GPHN: variants seen among roughly 807,000 people sequenced by gnomAD.
The protein encoded by GPHN is gephyrin.
In GPHN, 17 loss-of-function variants were observed where a neutral mutation model predicts 95.5. That is an observed-to-expected ratio of 0.18 (90% confidence interval 0.12 to 0.27). GPHN has a LOEUF of 0.27. Among genes scored for constraint, GPHN ranks in the 10% least tolerant of loss-of-function variants. The pLI, the probability that GPHN is intolerant of heterozygous loss-of-function variation, is 1.00. For synonymous variants in GPHN, 320 were observed against 322.5 expected, an observed-to-expected ratio of 0.99 and a Z score of 0.08; for missense variants, 660 against 978.1, an observed-to-expected ratio of 0.67 and a Z score of 4.34.
intron 1 of GPHN, among the ~76,000 whole-genome samples, chr14:66,534,697 T>C (rs2059072004): frequency 6.6e-6 from 1 of 152,214 alleles, no homozygotes; most frequent in African/African-American, 2.4e-5. Flanking sequence ...TCTACATTTT[T>C]GTCAATATTG....
chr14:67,010,553 GAAA>G (rs529841338), intron 9 of GPHN, among the ~76,000 whole-genome samples: 1 of 48,004 alleles, frequency 2.1e-5, no homozygotes, highest in Admixed American at 2.2e-4. Flanking sequence ...CTCTGTCTCA[GAAA>G]AAAAAAAAAA....
the GPHN span, chr14:67,691,278 C>T: frequency 6.8e-7 from 1 of 1,473,670 alleles, no homozygotes; most frequent in Non-Finnish European, 9.5e-7. Flanking sequence ...GTGGAAGTGG[C>T]TAGCCAAGGC....
the GPHN span, chr14:67,557,123 A>G: frequency 1.7e-4 from 102 of 613,992 alleles, no homozygotes; most frequent in Admixed American, 9.0e-5. Context: ...ACTTAATTGA[A>G]TTAATTGGCT....
At chr14:67,563,631 C>T in the GPHN span, among the ~76,000 whole-genome samples, 1 of 151,436 alleles carries the variant, frequency 6.6e-6, no homozygotes, top group East Asian at 2.0e-4. Flanking sequence ...CAGGGTTTCA[C>T]CATGTTGGTC....
intron 4 of GPHN, among the ~76,000 whole-genome samples, chr14:66,845,891 C>CTG (rs1256316664): frequency 5.0e-5 from 7 of 140,480 alleles, no homozygotes; most frequent in Non-Finnish European, 1.6e-5. Flanking sequence ...GAACGTGTGT[C>CTG]TGTGTGTGTG....
At chr14:67,441,578 G>T in the GPHN span, among the ~76,000 whole-genome samples, 9 of 152,146 alleles carry the variant, frequency 5.9e-5, no homozygotes, top group African/African-American at 2.2e-4. Flanking sequence ...GACCTCCCAG[G>T]TGCTTGGCTC....
chr14:66,948,857 T>C (rs1037303873), intron 8 of GPHN, among the ~76,000 whole-genome samples: 2 of 152,124 alleles, frequency 1.3e-5, no homozygotes, highest in Non-Finnish European at 2.9e-5. Flanking sequence ...CAGGCAGGAG[T>C]GCAACAGCAC....
chr14:66,608,042 T>TG lies in GPHN; in HGVS notation c.65-73065_65-73064insG, dbSNP rs141998933. Among the ~76,000 whole-genome samples the TG allele has an allele frequency of 4.7e-3, 368 of 78,884 alleles. 3 individuals carry two copies. The African/African-American group carries it at 0.052, about 11-fold the overall frequency. The allele number at this position is 78,884 out of a possible 152,430, so 51.8% of individuals were successfully genotyped here. A position where few individuals can be genotyped will look rare whatever the true frequency, so the allele number is the denominator to read the frequency against. ...TCTTTTCTTTTATTAGCTTTGTGGT[T>TG]TTTTTTTTTTTTCTAGTTCCTCTAG... On this transcript the variant is annotated intron_variant, in intron 1 of 22. Coordinates refer to ENST00000478722, the MANE Select transcript of GPHN (RefSeq NM_020806.5).
the GPHN span, among the ~76,000 whole-genome samples, chr14:67,235,730 C>A: frequency 6.6e-6 from 1 of 151,788 alleles, no homozygotes; most frequent in Non-Finnish European, 1.5e-5. Flanking sequence ...AAAAAAAATT[C>A]TCATAGACCC....
intron 17 of GPHN, among the ~76,000 whole-genome samples, chr14:67,140,392 A>G (rs981808646): frequency 2.0e-5 from 3 of 152,044 alleles, no homozygotes; most frequent in Non-Finnish European, 4.4e-5. Flanking sequence ...CTAAAAAAAA[A>G]AAAAAAAAGT....
intron 8 of GPHN, among the ~76,000 whole-genome samples, chr14:66,962,788 C>T (rs550220505): frequency 6.6e-6 from 1 of 151,632 alleles, no homozygotes; most frequent in African/African-American, 2.4e-5. Flanking sequence ...TTTTCCATTG[C>T]CTTGATACTC....
At chr14:66,884,047 G>A (rs940953789) in intron 5 of GPHN, among the ~76,000 whole-genome samples, 2 of 152,014 alleles carry the variant, frequency 1.3e-5, no homozygotes, top group Non-Finnish European at 2.9e-5. Flanking sequence ...TTGCAATTAT[G>A]TAGTTGTACA....
intron 8 of GPHN, among the ~76,000 whole-genome samples, chr14:66,932,457 T>TGTG (rs915901188): frequency 8.1e-6 from 1 of 124,208 alleles, no homozygotes; most frequent in Non-Finnish European, 1.7e-5. Context: ...TTTTTTTTTT[T>TGTG]TTTTTTTTTT....
At chr14:67,055,796 G>A (rs540904141) in intron 10 of GPHN, among the ~76,000 whole-genome samples, 11 of 152,284 alleles carry the variant, frequency 7.2e-5, no homozygotes, top group East Asian at 3.9e-4. Context: ...TGGTGTGTCC[G>A]GAGTTTGTTC....
chr14:67,300,300 G>A, the GPHN span, among the ~76,000 whole-genome samples: 1 of 151,086 alleles, frequency 6.6e-6, no homozygotes, highest in South Asian at 2.1e-4. Context: ...AGCCATAAAA[G>A]GTATAGAATT....
the GPHN span, chr14:67,338,893 AT>A: frequency 1.5e-6 from 1 of 664,774 alleles, no homozygotes; most frequent in Non-Finnish European, 2.3e-6. Context: ...TATTAATTTC[AT>A]TTTCAGTAAT....
At chr14:67,439,595 T>TTC in the GPHN span, among the ~76,000 whole-genome samples, 3 of 149,752 alleles carry the variant, frequency 2.0e-5, no homozygotes, top group African/African-American at 7.4e-5. Context: ...CTTTCTTTCT[T>TTC]CTTTCTTTTT....
At chr14:66,828,049 T>C (rs910624032) in intron 4 of GPHN, among the ~76,000 whole-genome samples, 1 of 151,982 alleles carries the variant, frequency 6.6e-6, no homozygotes, top group South Asian at 2.1e-4. Flanking sequence ...AAAATATACA[T>C]AAATATGTCT....
chr14:66,567,299 C>T (rs557983159), intron 1 of GPHN, among the ~76,000 whole-genome samples: 343 of 152,150 alleles, frequency 2.3e-3, no homozygotes, highest in African/African-American at 7.8e-3. Flanking sequence ...TGGATGGTGG[C>T]GTAGTTTTGG....
Sources: allele counts gnomAD v4.1 joint callset (sites outside exome capture counted in the v4.1 genomes callset), GRCh38; gene constraint gnomAD v4.1.1; transcripts MANE v1.5; gene names NCBI Gene and HGNC (gene_info 2026-07-23, HGNC 2026-07-21).